The following TAS2R1 variants were observed in gnomAD, a reference collection of about 807,000 sequenced individuals.
The protein encoded by TAS2R1 is taste 2 receptor member 1.
For missense variants in TAS2R1, 370 were observed against 353.4 expected, an observed-to-expected ratio of 1.05 and a Z score of -0.38; for synonymous variants, 141 against 134.2, an observed-to-expected ratio of 1.05 and a Z score of -0.35.
At chr5:9,718,785 C>T in the TAS2R1 span, among the ~76,000 whole-genome samples, 1 of 151,904 alleles carries the variant, frequency 6.6e-6, no homozygotes, top group African/African-American at 2.4e-5. Flanking sequence ...GTGGGATGGC[C>T]GATAACACAC....
chr5:9,731,746 T>G, the TAS2R1 span, among the ~76,000 whole-genome samples: 2 of 152,244 alleles, frequency 1.3e-5, no homozygotes, highest in Admixed American at 6.5e-5. Context: ...AGCACTTACA[T>G]GATTTCCATT....
At chr5:9,826,690 A>G in the TAS2R1 span, among the ~76,000 whole-genome samples, 8 of 152,226 alleles carry the variant, frequency 5.3e-5, no homozygotes, top group African/African-American at 1.9e-4. Context: ...TTCAGTGACC[A>G]TGTACTACTT....
At chr5:9,782,372 C>T in the TAS2R1 span, among the ~76,000 whole-genome samples, 1 of 144,206 alleles carries the variant, frequency 6.9e-6, no homozygotes, top group African/African-American at 2.5e-5. Flanking sequence ...ATCCAGTTTA[C>T]TGATGAACTC....
intron 1 of TAS2R1, among the ~76,000 whole-genome samples, chr5:9,700,014 C>A (rs569702716): frequency 6.6e-6 from 1 of 152,228 alleles, no homozygotes; most frequent in South Asian, 2.1e-4. Flanking sequence ...TCAGGTAATG[C>A]ATTCCAGTGT....
chr5:9,637,985 G>T (rs954468342), intron 2 of TAS2R1, among the ~76,000 whole-genome samples: 1 of 152,270 alleles, frequency 6.6e-6, no homozygotes, highest in Middle Eastern at 3.4e-3. Context: ...TGATGTTTTG[G>T]GGTATTACAG....
At chr5:9,666,083 T>G (rs1056569229) in intron 1 of TAS2R1, among the ~76,000 whole-genome samples, 1 of 151,118 alleles carries the variant, frequency 6.6e-6, no homozygotes, top group Non-Finnish European at 1.5e-5. Context: ...TTCATGATTC[T>G]TTTTTTTTAA....
At chr5:9,690,265 C>T (rs1561379907) in intron 1 of TAS2R1, among the ~76,000 whole-genome samples, 2 of 152,118 alleles carry the variant, frequency 1.3e-5, no homozygotes, top group Admixed American at 6.5e-5. Flanking sequence ...AATGACTTTC[C>T]TGAAGATGTA....
chr5:9,840,241 G>A, the TAS2R1 span, among the ~76,000 whole-genome samples: 3 of 152,154 alleles, frequency 2.0e-5, no homozygotes, highest in Non-Finnish European at 2.9e-5. Context: ...CACGAAAACA[G>A]GGTAGCTCTG....
chr5:9,791,913 G>A, the TAS2R1 span, among the ~76,000 whole-genome samples: 1 of 152,124 alleles, frequency 6.6e-6, no homozygotes, highest in South Asian at 2.1e-4. Context: ...GTGAGCAGCC[G>A]AATCTTCTTC....
At chr5:9,778,126 T>C in the TAS2R1 span, among the ~76,000 whole-genome samples, 111,990 of 151,954 alleles carry the variant, frequency 0.74, 41,476 homozygotes, top group East Asian at 0.81. Flanking sequence ...ATGATCCACC[T>C]GCCTCGGCCT....
the TAS2R1 span, among the ~76,000 whole-genome samples, chr5:9,836,163 G>A: frequency 0.011 from 1,609 of 152,094 alleles, 14 homozygotes; most frequent in Middle Eastern, 0.034. Flanking sequence ...CACCATGTGA[G>A]ACGTGCCTTT....
chr5:9,634,140 G>C (rs551440093), upstream of TAS2R1, among the ~76,000 whole-genome samples: 1 of 152,154 alleles, frequency 6.6e-6, no homozygotes, highest in Admixed American at 6.5e-5. Context: ...TGAGGATCCA[G>C]TTTCATTCTT....
upstream of TAS2R1, among the ~76,000 whole-genome samples, chr5:9,633,637 C>G (rs1739918208): frequency 6.6e-6 from 1 of 151,950 alleles, no homozygotes; most frequent in Non-Finnish European, 1.5e-5. Context: ...TAATTGTGGC[C>G]ATTCTTGCAG....
chr5:9,870,651 G>A, the TAS2R1 span, among the ~76,000 whole-genome samples: 212 of 152,230 alleles, frequency 1.4e-3, no homozygotes, highest in Non-Finnish European at 2.7e-3. Context: ...TAGAAATAAA[G>A]TACCATAAAG....
chr5:9,761,278 A>G, the TAS2R1 span, among the ~76,000 whole-genome samples: 3 of 152,152 alleles, frequency 2.0e-5, no homozygotes, highest in Non-Finnish European at 4.4e-5. Flanking sequence ...ATAGCAAAAC[A>G]TATTTTTTCT....
At chr5:9,776,090 T>C in the TAS2R1 span, among the ~76,000 whole-genome samples, 1 of 152,198 alleles carries the variant, frequency 6.6e-6, no homozygotes, top group Non-Finnish European at 1.5e-5. Flanking sequence ...TAGCCCATGG[T>C]GGCAAGGCTT....
chr5:9,754,548 C>T, the TAS2R1 span, among the ~76,000 whole-genome samples: 1 of 152,200 alleles, frequency 6.6e-6, no homozygotes, highest in Non-Finnish European at 1.5e-5. Context: ...GCAACTTCAG[C>T]AAAGTCTCAG....
upstream of TAS2R1, among the ~76,000 whole-genome samples, chr5:9,634,152 T>C (rs1218082206): frequency 6.6e-6 from 1 of 152,148 alleles, no homozygotes; most frequent in African/African-American, 2.4e-5. Context: ...TTCATTCTTC[T>C]ACATGTGGCT....
chr5:9,780,694 C>T, the TAS2R1 span, among the ~76,000 whole-genome samples: 2,916 of 115,070 alleles, frequency 0.025, 83 homozygotes, highest in African/African-American at 0.081. Context: ...TGTGTGTGCG[C>T]GCGCGCGCGC....
Sources: gnomAD v4.1 joint callset for allele counts (sites outside exome capture counted in the v4.1 genomes callset) on GRCh38, gnomAD v4.1.1 for gene constraint, MANE v1.5 for transcripts, NCBI Gene and HGNC (gene_info 2026-07-23, HGNC 2026-07-21) for gene names.